Variants in IQCJ observed in about 807,000 individuals in gnomAD.
IQCJ encodes IQ domain-containing protein J.
A neutral mutation model predicts 11.0 loss-of-function variants in IQCJ; 9 were observed. The ratio of observed to expected loss-of-function variants is 0.82; its 90% CI spans 0.49 to 1.43. The LOEUF (loss-of-function observed/expected upper bound fraction) is 1.43, where lower values mean the gene tolerates loss of function less well. Ranked by LOEUF, IQCJ falls within the 40% of genes most tolerant of loss-of-function variation. The probability of loss-of-function intolerance (pLI) is 0.00; values close to 1 mark genes in which losing one functional copy is unlikely to be tolerated. For missense variants in IQCJ, 146 were observed against 133.2 expected (o/e 1.10, Z -0.47); for synonymous variants, 55 against 51.3 (o/e 1.07, Z -0.31).
chr3:159,171,959 A>T (rs771659465), intron 1 of IQCJ, among the ~76,000 whole-genome samples: 1 of 152,150 alleles, frequency 6.6e-6, no homozygotes, highest in Admixed American at 6.6e-5. Flanking sequence ...GATTCTCATG[A>T]TGTGTGATGG....
chr3:159,202,199 T>C (rs1724391902), intron 1 of IQCJ, among the ~76,000 whole-genome samples: 1 of 152,200 alleles, frequency 6.6e-6, no homozygotes. Flanking sequence ...TTAAAGGCTC[T>C]TTAAGATTCT....
chr3:159,194,878 C>G (rs897553474), intron 1 of IQCJ, among the ~76,000 whole-genome samples: 3 of 152,020 alleles, frequency 2.0e-5, no homozygotes, highest in East Asian at 1.9e-4. Context: ...TTTGGGAGGC[C>G]GAAGTGGGCA....
chr3:159,152,833 A>G, intron 1 of IQCJ, among the ~76,000 whole-genome samples: 1 of 152,238 alleles, frequency 6.6e-6, no homozygotes, highest in East Asian at 1.9e-4. Context: ...CAGGATATGC[A>G]GTTTTCAATA....
chr3:159,255,628 A>G (rs1270671765), intron 3 of IQCJ, among the ~76,000 whole-genome samples: 1 of 152,124 alleles, frequency 6.6e-6, no homozygotes, highest in East Asian at 1.9e-4. Flanking sequence ...AGTGTCGGGG[A>G]GGGTGCCTGT....
intron 1 of IQCJ, among the ~76,000 whole-genome samples, chr3:159,165,371 T>C (rs1333552291): frequency 6.6e-6 from 1 of 152,152 alleles, no homozygotes; most frequent in Non-Finnish European, 1.5e-5. Flanking sequence ...AATGCTCAAC[T>C]CAGGGACTGA....
chr3:159,094,235 C>T (rs1257233377), intron 1 of IQCJ, among the ~76,000 whole-genome samples: 8 of 150,956 alleles, frequency 5.3e-5, no homozygotes, highest in Admixed American at 5.3e-4. Flanking sequence ...AAATATTGGC[C>T]TCAAGGTTCT....
intron 1 of IQCJ, among the ~76,000 whole-genome samples, chr3:159,140,793 C>A (rs914459827): frequency 1.3e-5 from 2 of 152,126 alleles, no homozygotes; most frequent in African/African-American, 2.4e-5. Flanking sequence ...TTAAGGCTGC[C>A]ACAACAAATG....
chr3:159,111,260 G>A (rs952498318), intron 1 of IQCJ, among the ~76,000 whole-genome samples: 4 of 152,104 alleles, frequency 2.6e-5, no homozygotes, highest in East Asian at 3.9e-4. Flanking sequence ...TTCCAGTATC[G>A]AAATGATTTT....
chr3:159,213,873 G>A (rs143906599), intron 1 of IQCJ, among the ~76,000 whole-genome samples: 76 of 152,146 alleles, frequency 5.0e-4, no homozygotes, highest in African/African-American at 1.8e-3. Context: ...AAACTCCTAA[G>A]TTGACTTCTG....
chr3:159,211,060 T>C (rs968174896), intron 1 of IQCJ, among the ~76,000 whole-genome samples: 1 of 152,224 alleles, frequency 6.6e-6, no homozygotes, highest in South Asian at 2.1e-4. Flanking sequence ...AAGTAAAATA[T>C]TTTACTGAAT....
chr3:159,201,202 T>C (rs2044702), intron 1 of IQCJ, among the ~76,000 whole-genome samples: 38,416 of 152,062 alleles, frequency 0.25, 5,499 homozygotes, highest in South Asian at 0.37. Context: ...TGATTACATT[T>C]AATAATTGTA....
At chr3:159,178,556 T>A (rs1722916744) in intron 1 of IQCJ, among the ~76,000 whole-genome samples, 1 of 152,206 alleles carries the variant, frequency 6.6e-6, no homozygotes, top group South Asian at 2.1e-4. Context: ...CTTATACACA[T>A]ACATACTATA....
chr3:159,189,165 G>A (rs1240963905), intron 1 of IQCJ, among the ~76,000 whole-genome samples: 1 of 152,082 alleles, frequency 6.6e-6, no homozygotes. Flanking sequence ...ATGTTTGGGA[G>A]GGAAAACTAC....
intron 1 of IQCJ, among the ~76,000 whole-genome samples, chr3:159,225,375 G>A (rs1725796258): frequency 1.3e-5 from 2 of 152,152 alleles, no homozygotes; most frequent in African/African-American, 4.8e-5. Flanking sequence ...CTAGAGGTAA[G>A]GATTTGGGAA....
chr3:159,089,065 T>C (rs1395233991), intron 1 of IQCJ, among the ~76,000 whole-genome samples: 1 of 152,218 alleles, frequency 6.6e-6, no homozygotes, highest in Non-Finnish European at 1.5e-5. Context: ...TACCGGTTGT[T>C]CCTTTACATG....
chr3:159,150,780 T>C (rs73027696), intron 1 of IQCJ, among the ~76,000 whole-genome samples: 5,882 of 152,226 alleles, frequency 0.039, 394 homozygotes, highest in African/African-American at 0.13. Flanking sequence ...GACTGCCCCA[T>C]CCTGAGTTTT....
chr3:159,237,558 A>G (rs1307137494), intron 1 of IQCJ, among the ~76,000 whole-genome samples: 1 of 152,224 alleles, frequency 6.6e-6, no homozygotes, highest in Non-Finnish European at 1.5e-5. Flanking sequence ...TTTCACCATA[A>G]CAGTATAGCC....
At chr3:159,138,942 A>C (rs1336164260) in intron 1 of IQCJ, among the ~76,000 whole-genome samples, 4 of 152,216 alleles carry the variant, frequency 2.6e-5, no homozygotes, top group Non-Finnish European at 4.4e-5. Context: ...TTTGCCTACA[A>C]CAGTGAAATC....
At chr3:159,101,216 C>T (rs1412459018) in intron 1 of IQCJ, among the ~76,000 whole-genome samples, 1 of 148,514 alleles carries the variant, frequency 6.7e-6, no homozygotes, top group Non-Finnish European at 1.5e-5. Flanking sequence ...AATGCCTCGC[C>T]CTGCTTCGGC....
Sources: gnomAD v4.1 joint callset for allele counts (sites outside exome capture counted in the v4.1 genomes callset) on GRCh38, gnomAD v4.1.1 for gene constraint, MANE v1.5 for transcripts, NCBI Gene and HGNC (gene_info 2026-07-23, HGNC 2026-07-21) for gene names.